The following CALCR variants were observed in gnomAD, a reference collection of about 807,000 sequenced individuals.
CALCR encodes calcitonin receptor.
In CALCR, 47 loss-of-function variants were observed where a neutral mutation model predicts 59.5. The observed-to-expected ratio is 0.79, with a 90% CI of 0.63 to 1.01. The LOEUF (loss-of-function observed/expected upper bound fraction) is 1.01, where lower values mean the gene tolerates loss of function less well. CALCR is among the 50% of genes least tolerant of loss of function. The pLI is 0.00. For missense variants in CALCR, 566 were observed against 597.1 expected, an observed-to-expected ratio of 0.95 and a Z score of 0.54; for synonymous variants, 213 against 211.3, an observed-to-expected ratio of 1.01 and a Z score of -0.07.
chr7:93,433,139 G>A (rs955497672), intron 13 of CALCR, among the ~76,000 whole-genome samples: 6 of 152,160 alleles, frequency 3.9e-5, no homozygotes, highest in African/African-American at 7.2e-5. Flanking sequence ...GGTTGGAAAC[G>A]GGTATGAACA....
chr7:93,488,134 C>T (rs979184373), intron 2 of CALCR, among the ~76,000 whole-genome samples: 6 of 151,532 alleles, frequency 4.0e-5, no homozygotes, highest in African/African-American at 1.5e-4. Context: ...ATTTTCAACC[C>T]AGAATTTAAT....
At chr7:93,447,266 G>A (rs1010069659) in intron 8 of CALCR, among the ~76,000 whole-genome samples, 3 of 151,936 alleles carry the variant, frequency 2.0e-5, no homozygotes, top group African/African-American at 2.4e-5. Flanking sequence ...AATACATCAA[G>A]TCAACCTCAA....
At chr7:93,475,533 C>A (rs1490516838) in intron 5 of CALCR, among the ~76,000 whole-genome samples, 1 of 137,486 alleles carries the variant, frequency 7.3e-6, no homozygotes, top group East Asian at 2.1e-4. Context: ...TATTAGATTG[C>A]AGAAAGTAGT....
chr7:93,473,585 C>T, intron 5 of CALCR, among the ~76,000 whole-genome samples: 1 of 144,676 alleles, frequency 6.9e-6, no homozygotes, highest in East Asian at 2.2e-4. Flanking sequence ...GTTTGGCCCC[C>T]CCCCCTTTTT....
At chr7:93,537,010 T>C (rs375242299) in intron 2 of CALCR, among the ~76,000 whole-genome samples, 17 of 151,824 alleles carry the variant, frequency 1.1e-4, no homozygotes, top group African/African-American at 4.1e-4. Flanking sequence ...ATATCAAAAA[T>C]TATAAAGAAC....
At chr7:93,518,589 G>A (rs62468274) in intron 2 of CALCR, among the ~76,000 whole-genome samples, 4,917 of 151,814 alleles carry the variant, frequency 0.032, 126 homozygotes, top group Non-Finnish European at 0.047. Context: ...TCTTTTTGAA[G>A]GGCAATATCT....
chr7:93,481,020 C>A (rs143455480), intron 3 of CALCR, among the ~76,000 whole-genome samples: 1 of 151,904 alleles, frequency 6.6e-6, no homozygotes, highest in Non-Finnish European at 1.5e-5. Context: ...CTTGTTTTGT[C>A]ACTTTGAGCA....
At chr7:93,497,155 A>G (rs1478150369) in intron 2 of CALCR, among the ~76,000 whole-genome samples, 1 of 151,564 alleles carries the variant, frequency 6.6e-6, no homozygotes, top group Non-Finnish European at 1.5e-5. Context: ...GTGACACACA[A>G]TGTAAGAGAA....
At chr7:93,495,774 A>T (rs185952577) in intron 2 of CALCR, 13 of 813,872 alleles carry the variant, frequency 1.6e-5, no homozygotes, top group Admixed American at 1.2e-4. Context: ...AACCAGATCA[A>T]TGTGGAGCCT....
rs144758332 is a variant in CALCR, at chr7:93,424,635, G to C, written c.*1721C>G. On this transcript the variant is annotated 3_prime_UTR_variant, in exon 14 of 14. Transcript: ENST00000426151. ...AGAACTATGTGCAATTCTATAATAA[G>C]CTATTTTGTTTTCTTCAACCCCTAC... The C allele has an allele frequency of 6.6e-6, 1 of 152,562 alleles. No individual in the cohort carries two copies. The highest frequency in any genetic ancestry group is 1.9e-4 in the East Asian group (1 of 5,186). 9.5% of individuals were successfully genotyped at this position (152,562 alleles called of 1,614,324 possible).
chr7:93,527,733 A>T (rs1358874582), intron 2 of CALCR, among the ~76,000 whole-genome samples: 3 of 152,172 alleles, frequency 2.0e-5, no homozygotes, highest in Non-Finnish European at 4.4e-5. Flanking sequence ...CAAATCTATT[A>T]TAAAAGATGA....
chr7:93,561,391 T>C lies in CALCR; in HGVS notation c.-27+12898A>G, dbSNP rs894846749. ...TTAATCTTGGACACTCTTACAGAAG[T>C]TGCTTTGGGTACCACCCTTCATTCC... is the stretch of plus-strand genomic sequence containing the variant. On this transcript the variant is annotated intron_variant, in intron 2 of 13. Coordinates refer to ENST00000426151, the MANE Select transcript of CALCR (RefSeq NM_001742.4). 5.9e-5 allele frequency among the ~76,000 whole-genome samples: 9 copies of C among 152,170 alleles called. 1 individual carries two copies. The highest frequency in any genetic ancestry group is 5.9e-4 in the Admixed American group (9 of 15,256).
chr7:93,522,797 T>C (rs1192283354), intron 2 of CALCR, among the ~76,000 whole-genome samples: 2 of 152,164 alleles, frequency 1.3e-5, no homozygotes, highest in African/African-American at 4.8e-5. Flanking sequence ...AGTATGAAGA[T>C]ATATATAATT....
At chr7:93,509,375 A>C (rs995053695) in intron 2 of CALCR, among the ~76,000 whole-genome samples, 1 of 152,184 alleles carries the variant, frequency 6.6e-6, no homozygotes, top group African/African-American at 2.4e-5. Context: ...AGATCCTAAT[A>C]GAACATTTAA....
At chr7:93,432,013 A>G (rs1799668975) in intron 13 of CALCR, among the ~76,000 whole-genome samples, 1 of 152,188 alleles carries the variant, frequency 6.6e-6, no homozygotes, top group Non-Finnish European at 1.5e-5. Context: ...GAAATGCTTG[A>G]TACATAAGCA....
In CALCR at chr7:93,426,543, C is replaced by T. The variant is rs751858129; in HGVS notation, c.1238G>A (p.Trp413Ter). 3.7e-6 allele frequency: 6 copies of T among 1,613,060 alleles called. No homozygotes were observed. The South Asian group carries it at 5.5e-5, about 15-fold the overall frequency. ...GGGGCGCCTCCCCCAACGCTGGTTC[C>T]ACTGAATTTTGAATTGGGCCCATTG... ...KRQWAQFKIQ[W>*]NQRWGRRPSN... Residue 413 changes from tryptophan (W) to a stop codon, truncating the protein, a stop_gained, in exon 14 of 14, where the codon TGG (tryptophan) becomes TAG (stop). Coordinates refer to ENST00000426151, the MANE Select transcript of CALCR (RefSeq NM_001742.4). LOFTEE classifies it low-confidence loss of function (END_TRUNC).
intron 7 of CALCR, among the ~76,000 whole-genome samples, chr7:93,465,270 T>G (rs1476838827): frequency 6.6e-6 from 1 of 151,988 alleles, no homozygotes; most frequent in Admixed American, 6.6e-5. Flanking sequence ...TATTGGAAAT[T>G]TGCTGAAAAT....
intron 8 of CALCR, among the ~76,000 whole-genome samples, chr7:93,446,289 T>G (rs895487006): frequency 6.6e-6 from 1 of 151,998 alleles, no homozygotes; most frequent in African/African-American, 2.4e-5. Context: ...ATTAGAAATA[T>G]CTAGGTGATC....
At chr7:93,435,484 G>A (rs920633750) in intron 12 of CALCR, among the ~76,000 whole-genome samples, 2 of 152,114 alleles carry the variant, frequency 1.3e-5, no homozygotes, top group South Asian at 2.1e-4. Flanking sequence ...TTTTGGCTGG[G>A]CTTATTGAAT....
Sources: allele counts gnomAD v4.1 joint callset (sites outside exome capture counted in the v4.1 genomes callset), GRCh38; gene constraint gnomAD v4.1.1; transcripts MANE v1.5; gene names NCBI Gene and HGNC (gene_info 2026-07-23, HGNC 2026-07-21).